Variants in ZNF613 observed in about 807,000 individuals in gnomAD.
ZNF613 encodes the protein zinc finger protein 613.
A neutral mutation model predicts 14.3 loss-of-function variants in ZNF613; 8 were observed. The observed-to-expected ratio is 0.56, with a 90% CI of 0.33 to 1.01. ZNF613 has a LOEUF of 1.01. Ranked by LOEUF, ZNF613 falls within the 50% of genes least tolerant of loss-of-function variation. ZNF613 has a pLI of 0.03. For synonymous variants in ZNF613, 228 were observed against 254.5 expected, an observed-to-expected ratio of 0.90 and a Z score of 0.99; for missense variants, 656 against 741.9, an observed-to-expected ratio of 0.88 and a Z score of 1.35.
intron 5 of ZNF613, among the ~76,000 whole-genome samples, chr19:51,943,363 A>T (rs1242332700): frequency 6.6e-6 from 1 of 152,214 alleles, no homozygotes; most frequent in Non-Finnish European, 1.5e-5. Context: ...CACCATTCCA[A>T]GGAGCATGAA....
intron 2 of ZNF613, among the ~76,000 whole-genome samples, chr19:51,930,344 C>G (rs1352034626): frequency 6.6e-6 from 1 of 152,100 alleles, no homozygotes; most frequent in Non-Finnish European, 1.5e-5. Flanking sequence ...TCACTGCAAC[C>G]ACCACCTCCC....
At position 51,940,459 on chromosome 19, in the gene ZNF613, C is replaced by T. The variant is rs2122820406; in HGVS notation, c.142+124C>T. ...TGGTAGATTCTGTACCCTCTCTGGC[C>T]CCAGATAAAAGAGTGTAATGTGCCC... On this transcript the variant is annotated intron_variant, in intron 4 of 5. Transcript: ENST00000293471. 3 of 1,552,992 alleles carry T rather than the reference C, an allele frequency of 1.9e-6. No individual in the cohort carries two copies. In the South Asian group the frequency reaches 3.5e-5, roughly 18 times the overall value.
chr19:51,939,985 A>C (rs995172118), intron 3 of ZNF613, among the ~76,000 whole-genome samples: 1 of 152,180 alleles, frequency 6.6e-6, no homozygotes, highest in Non-Finnish European at 1.5e-5. Flanking sequence ...TAAATGATAG[A>C]TAATTACACA....
chr19:51,929,999 A>G (rs1448428017), intron 2 of ZNF613, 103 bp downstream of exon 2: 2 of 152,218 alleles, frequency 1.3e-5, no homozygotes, highest in African/African-American at 4.8e-5. Context: ...TATTAGTCCC[A>G]TACTGTATAA....
chr19:51,945,345 G>T lies in ZNF613; in HGVS notation c.1462G>T (p.Asp488Tyr). 2 of 1,614,100 alleles carry T rather than the reference G, an allele frequency of 1.2e-6. No individual in the cohort carries two copies. Among genetic ancestry groups the T allele is most frequent in the South Asian group, 1.1e-5 (1 of 91,070 alleles). The change falls in exon 6 of 6, where the codon GAC (aspartate) becomes TAC (tyrosine). Residue 488 changes from aspartate (D) to tyrosine (Y), a missense_variant. Transcript: ENST00000293471. ...HTGEKPYTCS[D>Y]CGKAFRDKSC... Reference sequence around the variant, plus strand: ...AGGAGAGAAACCCTATACATGCAGTGACTGTGGGAAAGCTTTCAGAGATAA... The same window carrying T: ...AGGAGAGAAACCCTATACATGCAGTTACTGTGGGAAAGCTTTCAGAGATAA...
chr19:51,930,443 G>A (rs1453988836), intron 2 of ZNF613, among the ~76,000 whole-genome samples: 1 of 151,924 alleles, frequency 6.6e-6, no homozygotes, highest in African/African-American at 2.4e-5. Flanking sequence ...TGTATTTTTG[G>A]TAGAGACGGG....
intron 2 of ZNF613, among the ~76,000 whole-genome samples, chr19:51,933,677 G>C (rs1047153299): frequency 2.6e-5 from 4 of 152,298 alleles, no homozygotes; most frequent in Non-Finnish European, 5.9e-5. Flanking sequence ...TCCCACGTTG[G>C]GAATGTTGGC....
chr19:51,933,602 C>G (rs1387475016), intron 2 of ZNF613, among the ~76,000 whole-genome samples: 4 of 152,098 alleles, frequency 2.6e-5, no homozygotes, highest in African/African-American at 9.7e-5. Flanking sequence ...AGCCACTGCA[C>G]TCAGCTAAAC....
Position 51,945,989 on chromosome 19 carries a change from T to C in ZNF613, c.*252T>C, listed in dbSNP as rs927344996. 1.2e-4 allele frequency: 60 copies of C among 483,060 alleles called. No individual in the cohort carries two copies. Among genetic ancestry groups the C allele is most frequent in the Middle Eastern group, 1.2e-3 (2 of 1,672 alleles). 29.9% of individuals were successfully genotyped at this position (483,060 alleles called of 1,614,324 possible). A position where few individuals can be genotyped will look rare whatever the true frequency, so the allele number is the denominator to read the frequency against. ...AGTGAGCTTATAGTTGGTAGAAATA[T>C]AATGATCATGGAAAAGTCCTTGTTC... On this transcript the variant is annotated 3_prime_UTR_variant, in exon 6 of 6. Transcript: ENST00000293471.
intron 2 of ZNF613, among the ~76,000 whole-genome samples, chr19:51,932,710 C>T (rs1414304619): frequency 1.3e-5 from 2 of 151,492 alleles, no homozygotes; most frequent in African/African-American, 4.9e-5. Context: ...GGGTCTCACT[C>T]TATTGCCCAG....
chr19:51,932,907 G>C (rs1311690456), intron 2 of ZNF613, among the ~76,000 whole-genome samples: 1 of 151,942 alleles, frequency 6.6e-6, no homozygotes, highest in Non-Finnish European at 1.5e-5. Context: ...AGTTTATCTT[G>C]AGCTCAAAGC....
chr19:51,937,725 CTTTTTTTTTTT>C (rs557250619), intron 3 of ZNF613, among the ~76,000 whole-genome samples: 4 of 105,230 alleles, frequency 3.8e-5, no homozygotes, highest in South Asian at 3.0e-4. Flanking sequence ...TGTCTTTTTT[CTTTTTTTTTTT>C]TTTTTTTTTT....
In ZNF613 at chr19:51,945,732, G is replaced by T; in HGVS notation, c.1849G>T (p.Glu617Ter). Residue 617 changes from glutamate (E) to a stop codon, truncating the protein, a stop_gained, in exon 6 of 6, where the codon GAA becomes TAA. Coordinates refer to ENST00000293471, the MANE Select transcript of ZNF613 (RefSeq NM_001031721.4). LOFTEE classifies it high-confidence loss of function. ...SVSADSRICTE is the reference protein window; with the variant it reads ...SVSADSRICT ...CTCAGCAGATAGTAGAATTTGCACAGAATAAAAACCATATGAATGCAGTGA... is the reference window on the plus strand; with the variant it reads ...CTCAGCAGATAGTAGAATTTGCACATAATAAAAACCATATGAATGCAGTGA... The T allele has an allele frequency of 6.2e-7, 1 of 1,614,024 alleles. No individual in the cohort carries two copies. The highest frequency in any genetic ancestry group is 1.1e-5 in the South Asian group (1 of 91,070).
intron 5 of ZNF613, 112 bp from the exon 6 acceptor site, chr19:51,944,007 T>G: frequency 1.3e-6 from 1 of 779,268 alleles, no homozygotes; most frequent in South Asian, 4.3e-5. Flanking sequence ...CTACTTGGAG[T>G]TTTTTAAACA....
chr19:51,927,853 T>G (rs1165315351), intron 1 of ZNF613: 1 of 152,150 alleles, frequency 6.6e-6, no homozygotes, highest in Non-Finnish European at 1.5e-5. Context: ...ATTCGGGGTT[T>G]TATTTTTTAT....
At chr19:51,940,888 C>T (rs550290359) in intron 5 of ZNF613, among the ~76,000 whole-genome samples, 179 bp downstream of exon 5, 4 of 152,224 alleles carry the variant, frequency 2.6e-5, no homozygotes, top group South Asian at 4.1e-4. Context: ...GCTTCGTTAT[C>T]GCGTCTTGGA....
chr19:51,937,716 GTCTTTTT>G (rs1254734401), intron 3 of ZNF613, among the ~76,000 whole-genome samples: 1 of 139,942 alleles, frequency 7.1e-6, no homozygotes, highest in African/African-American at 2.7e-5. Flanking sequence ...GACAGATGAT[GTCTTTTT>G]TCTTTTTTTT....
At chr19:51,935,205 A>G (rs2085297151) in intron 2 of ZNF613, among the ~76,000 whole-genome samples, 1 of 152,196 alleles carries the variant, frequency 6.6e-6, no homozygotes, top group Non-Finnish European at 1.5e-5. Flanking sequence ...TGCTGCTTTC[A>G]GGCCAAGGGT....
At chr19:51,937,556 G>A (rs1351346862) in intron 3 of ZNF613, among the ~76,000 whole-genome samples, 1 of 152,078 alleles carries the variant, frequency 6.6e-6, no homozygotes, top group African/African-American at 2.4e-5. Flanking sequence ...TCTGTCTAAT[G>A]TCTCTGACTG....
Sources: allele counts gnomAD v4.1 joint callset (sites outside exome capture counted in the v4.1 genomes callset), GRCh38; gene constraint gnomAD v4.1.1; transcripts MANE v1.5; gene names NCBI Gene and HGNC (gene_info 2026-07-23, HGNC 2026-07-21).